The following SRRM4 variants were observed in gnomAD, a reference collection of about 807,000 sequenced individuals.
SRRM4 encodes the protein serine/arginine repetitive matrix 4.
Under a neutral mutation model 68.9 loss-of-function variants are expected in SRRM4, and 33 were observed. The ratio of observed to expected loss-of-function variants is 0.48; its 90% CI spans 0.36 to 0.64. The LOEUF (loss-of-function observed/expected upper bound fraction) is 0.64. SRRM4 is among the 30% of genes least tolerant of loss of function. SRRM4 has a pLI of 0.00. For synonymous variants in SRRM4, 318 were observed against 318.8 expected, an observed-to-expected ratio of 1.00 and a Z score of 0.03; for missense variants, 817 against 827.1, an observed-to-expected ratio of 0.99 and a Z score of 0.15.
chr12:119,067,078 T>A (rs2136024400), intron 1 of SRRM4, among the ~76,000 whole-genome samples: 1 of 152,278 alleles, frequency 6.6e-6, no homozygotes, highest in Non-Finnish European at 1.5e-5. Context: ...CTCACAATTC[T>A]GTCACTCACT....
intron 1 of SRRM4, among the ~76,000 whole-genome samples, chr12:119,080,198 T>A (rs886368137): frequency 1.1e-4 from 14 of 129,406 alleles, no homozygotes; most frequent in Admixed American, 8.3e-4. Context: ...GGGTTGGTTT[T>A]ACATCTTTGA....
intron 1 of SRRM4, among the ~76,000 whole-genome samples, chr12:119,042,090 GA>G (rs1454795109): frequency 1.3e-5 from 2 of 152,140 alleles, no homozygotes; most frequent in African/African-American, 4.8e-5. Flanking sequence ...AAGAGTCTTA[GA>G]AAGACTCCAA....
intron 1 of SRRM4, among the ~76,000 whole-genome samples, chr12:119,047,705 A>G (rs1212430871): frequency 1.3e-5 from 2 of 152,222 alleles, no homozygotes; most frequent in Non-Finnish European, 2.9e-5. Context: ...ACAAGTTCCA[A>G]CGTGATGGTA....
intron 2 of SRRM4, among the ~76,000 whole-genome samples, chr12:119,106,290 G>A (rs1349661544): frequency 2.0e-5 from 3 of 152,086 alleles, no homozygotes; most frequent in Admixed American, 6.5e-5. Context: ...TTGGCAATGC[G>A]GGCTCTTTTT....
chr12:119,145,733 T>C lies in SRRM4; in HGVS notation c.1076+48T>C, dbSNP rs374914803. On this transcript the variant is annotated intron_variant, in intron 9 of 12. Coordinates refer to ENST00000267260, the MANE Select transcript of SRRM4 (RefSeq NM_194286.4). ...GGGGTAGACGGTCTCCCACCTTAGC[T>C]CCACCTTCTCATGCTCTCATCCCAG... 3,050 of 1,416,790 alleles carry C rather than the reference T, an allele frequency of 2.2e-3. 10 individuals carry two copies. Among genetic ancestry groups the C allele is most frequent in the Non-Finnish European group, 2.1e-3 (2,246 of 1,076,932 alleles). The allele number at this position is 1,416,790 out of a possible 1,614,324, so 87.8% of individuals were successfully genotyped here.
intron 1 of SRRM4, among the ~76,000 whole-genome samples, chr12:118,985,104 C>T (rs1367094421): frequency 1.3e-5 from 2 of 152,186 alleles, no homozygotes; most frequent in Non-Finnish European, 2.9e-5. Context: ...ATTGTGTTCT[C>T]CATGCCTACC....
rs1409608433 is a variant in SRRM4, at chr12:119,089,174, T to A, written c.132-13062T>A. Among the ~76,000 whole-genome samples, 3 of 152,256 alleles carry A rather than the reference T, an allele frequency of 2.0e-5. No individual in the cohort carries two copies. The East Asian group carries it at 5.8e-4, about 30-fold the overall frequency. On this transcript the variant is annotated intron_variant, in intron 1 of 12. Transcript: ENST00000267260. ...TAGCATAGACCCTCTGCCCATGTGG[T>A]CGGGAGGGTGCTGTGCCAAGATGAC...
intron 1 of SRRM4, among the ~76,000 whole-genome samples, chr12:119,065,737 G>A (rs991465604): frequency 1.3e-5 from 2 of 152,078 alleles, no homozygotes; most frequent in Non-Finnish European, 2.9e-5. Context: ...GGGCAACAGA[G>A]CAAGACTCCA....
intron 1 of SRRM4, among the ~76,000 whole-genome samples, chr12:119,082,935 A>G (rs1249898749): frequency 1.3e-5 from 2 of 152,194 alleles, no homozygotes; most frequent in African/African-American, 4.8e-5. Context: ...TGCTTAGCAG[A>G]GCAGAAGCTC....
At chr12:118,982,357 G>A (rs1953253005) in intron 1 of SRRM4, among the ~76,000 whole-genome samples, 1 of 152,196 alleles carries the variant, frequency 6.6e-6, no homozygotes, top group Non-Finnish European at 1.5e-5. Context: ...GCCAAGGAAT[G>A]GTGGATTTGA....
intron 4 of SRRM4, 89 bp from the exon 5 acceptor site, chr12:119,120,161 C>CTCTCTCCA: frequency 1.2e-6 from 1 of 862,534 alleles, no homozygotes; most frequent in Non-Finnish European, 1.8e-6. Flanking sequence ...CCTTCTCTCC[C>CTCTCTCCA]TCTCTCCATC....
intron 4 of SRRM4, among the ~76,000 whole-genome samples, chr12:119,119,638 A>G (rs1433021345): frequency 2.0e-5 from 3 of 152,160 alleles, no homozygotes; most frequent in South Asian, 4.1e-4. Context: ...ATAGTACTCC[A>G]CAGGGCTTGG....
chr12:119,114,250 C>G, intron 2 of SRRM4, 28 bp from the exon 3 acceptor site: 1 of 1,596,370 alleles, frequency 6.3e-7, no homozygotes, highest in Non-Finnish European at 8.6e-7. Flanking sequence ...CATGAGTTAT[C>G]TAATGCTCCT....
chr12:119,148,916 C>T (rs556098897), intron 9 of SRRM4, among the ~76,000 whole-genome samples: 1 of 152,158 alleles, frequency 6.6e-6, no homozygotes, highest in East Asian at 1.9e-4. Context: ...ATCAAAGGAA[C>T]CATAGACACT....
chr12:119,039,082 G>T (rs1261194413), intron 1 of SRRM4, among the ~76,000 whole-genome samples: 1 of 152,206 alleles, frequency 6.6e-6, no homozygotes, highest in African/African-American at 2.4e-5. Context: ...AACGCAACAA[G>T]CATCATCTCA....
At chr12:119,091,529 C>A (rs978430816) in intron 1 of SRRM4, among the ~76,000 whole-genome samples, 2 of 152,146 alleles carry the variant, frequency 1.3e-5, no homozygotes, top group Non-Finnish European at 2.9e-5. Context: ...AGACCAGTGT[C>A]GTCTGTTCCT....
In SRRM4 at chr12:119,126,759, C is replaced by T. The variant is rs529219321; in HGVS notation, c.614+1280C>T. Reference sequence around the variant, plus strand: ...ATGCTGCTATAAAGACACATGCACACGTATGTTTATTGCGGCATTATTCAC... The same window carrying T: ...ATGCTGCTATAAAGACACATGCACATGTATGTTTATTGCGGCATTATTCAC... On this transcript the variant is annotated intron_variant, in intron 7 of 12. Transcript: ENST00000267260. Among the ~76,000 whole-genome samples, 12 of 151,880 alleles carry T rather than the reference C, an allele frequency of 7.9e-5. No homozygotes were observed. In the East Asian group the frequency reaches 1.2e-3, roughly 15 times the overall value.
intron 1 of SRRM4, among the ~76,000 whole-genome samples, chr12:119,079,784 GT>G (rs1329042698): frequency 3.9e-5 from 6 of 152,084 alleles, no homozygotes; most frequent in African/African-American, 1.4e-4. Context: ...CCATGAAACT[GT>G]TGGGATCGCC....
At chr12:119,079,800 C>G (rs1953937101) in intron 1 of SRRM4, among the ~76,000 whole-genome samples, 1 of 152,026 alleles carries the variant, frequency 6.6e-6, no homozygotes, top group Non-Finnish European at 1.5e-5. Flanking sequence ...ATCGCCTAGT[C>G]AATTACTAGT....
Sources: gnomAD v4.1 joint callset for allele counts (sites outside exome capture counted in the v4.1 genomes callset) on GRCh38, gnomAD v4.1.1 for gene constraint, MANE v1.5 for transcripts, NCBI Gene and HGNC (gene_info 2026-07-23, HGNC 2026-07-21) for gene names.